CHRM3: variants seen among roughly 807,000 people sequenced by gnomAD.
CHRM3 encodes the protein muscarinic acetylcholine receptor M3.
A neutral mutation model predicts 41.8 loss-of-function variants in CHRM3; 11 were observed. The ratio of observed to expected loss-of-function variants is 0.26; its 90% confidence interval spans 0.17 to 0.44. The LOEUF (loss-of-function observed/expected upper bound fraction) is 0.44, where lower values mean the gene tolerates loss of function less well. CHRM3 is among the 20% of genes least tolerant of loss of function. The probability of loss-of-function intolerance (pLI) is 1.00; values close to 1 mark genes in which losing one functional copy is unlikely to be tolerated. For missense variants in CHRM3, 571 were observed against 745.4 expected (o/e 0.77, Z 2.72); for synonymous variants, 297 against 301.4 (o/e 0.99, Z 0.15).
At chr1:239,421,806 C>T (rs1447354460) in intron 1 of CHRM3, among the ~76,000 whole-genome samples, 1 of 152,108 alleles carries the variant, frequency 6.6e-6, no homozygotes, top group Non-Finnish European at 1.5e-5. Flanking sequence ...GTTTTACAGT[C>T]TTTACTCCTC....
chr1:239,404,287 T>G (rs1328408432), intron 1 of CHRM3, among the ~76,000 whole-genome samples: 3 of 130,276 alleles, frequency 2.3e-5, no homozygotes, highest in Non-Finnish European at 3.1e-5. Flanking sequence ...AGACTCTGTC[T>G]CAAAAAAAAA....
intron 6 of CHRM3, among the ~76,000 whole-genome samples, chr1:239,902,016 G>T (rs1679617321): frequency 6.6e-6 from 1 of 151,950 alleles, no homozygotes; most frequent in Non-Finnish European, 1.5e-5. Flanking sequence ...TAGTGTGTAG[G>T]TCAGTATACC....
At chr1:239,392,236 C>T (rs541028468) in intron 1 of CHRM3, among the ~76,000 whole-genome samples, 23 of 152,236 alleles carry the variant, frequency 1.5e-4, no homozygotes, top group South Asian at 1.2e-3. Context: ...GCATCATTTC[C>T]GCCTGAGACT....
chr1:239,453,659 T>A (rs982037061), intron 1 of CHRM3, among the ~76,000 whole-genome samples: 3 of 152,224 alleles, frequency 2.0e-5, no homozygotes, highest in African/African-American at 7.2e-5. Context: ...TGCATTCTAC[T>A]AGGCATTAAT....
At chr1:239,433,965 CT>C (rs1208157071) in intron 1 of CHRM3, among the ~76,000 whole-genome samples, 1 of 152,146 alleles carries the variant, frequency 6.6e-6, no homozygotes, top group African/African-American at 2.4e-5. Flanking sequence ...ATATTTTCCT[CT>C]GGGTAGATAC....
At chr1:239,584,144 G>A (rs1663177573) in intron 3 of CHRM3, among the ~76,000 whole-genome samples, 1 of 139,184 alleles carries the variant, frequency 7.2e-6, no homozygotes, top group South Asian at 2.3e-4. Context: ...AGTCTTCTGA[G>A]ACAGGCTAGA....
intron 5 of CHRM3, among the ~76,000 whole-genome samples, chr1:239,698,507 A>C (rs1486702500): frequency 1.3e-5 from 2 of 152,204 alleles, no homozygotes; most frequent in Admixed American, 1.3e-4. Flanking sequence ...AGTGAAAGTG[A>C]ATCAATTACA....
intron 6 of CHRM3, among the ~76,000 whole-genome samples, chr1:239,865,330 G>A (rs1676001721): frequency 6.6e-6 from 1 of 152,232 alleles, no homozygotes; most frequent in Admixed American, 6.5e-5. Flanking sequence ...TAAGACATTG[G>A]TTGTCTGTGG....
At chr1:239,606,327 G>C (rs4659922) in intron 3 of CHRM3, 119,821 of 151,544 alleles carry the variant, frequency 0.79, 50,086 homozygotes, top group East Asian at 0.98. Context: ...CCAGGCTGGA[G>C]TGCAGTGGCG....
At chr1:239,438,746 C>T (rs1352997104) in intron 1 of CHRM3, among the ~76,000 whole-genome samples, 1 of 152,102 alleles carries the variant, frequency 6.6e-6, no homozygotes, top group Admixed American at 6.6e-5. Context: ...AACATCGAGG[C>T]TTTCTGATAA....
chr1:239,761,220 C>T (rs771480015), intron 5 of CHRM3, among the ~76,000 whole-genome samples: 3 of 152,062 alleles, frequency 2.0e-5, no homozygotes, highest in Admixed American at 6.5e-5. Context: ...TTTTATCTCT[C>T]GACGTTTGAT....
chr1:239,569,764 G>T (rs1397582266), intron 3 of CHRM3, among the ~76,000 whole-genome samples: 1 of 152,126 alleles, frequency 6.6e-6, no homozygotes, highest in Non-Finnish European at 1.5e-5. Flanking sequence ...TGGCAAAGCT[G>T]GACTGGGTCA....
At chr1:239,533,307 A>G (rs1009999913) in intron 2 of CHRM3, among the ~76,000 whole-genome samples, 3 of 152,178 alleles carry the variant, frequency 2.0e-5, no homozygotes, top group Non-Finnish European at 4.4e-5. Context: ...TATAAAGAAA[A>G]GAGGTTTAAT....
intron 1 of CHRM3, among the ~76,000 whole-genome samples, chr1:239,471,490 G>C (rs77611755): frequency 0.027 from 4,164 of 152,296 alleles, 84 homozygotes; most frequent in Non-Finnish European, 0.042. Context: ...CATACTTGGG[G>C]TTGTCTTATG....
intron 3 of CHRM3, among the ~76,000 whole-genome samples, chr1:239,553,448 A>ACGTCT (rs1292079068): frequency 6.6e-6 from 1 of 152,032 alleles, no homozygotes; most frequent in Non-Finnish European, 1.5e-5. Context: ...CAAGCAGGAG[A>ACGTCT]CTTTCAGGAG....
intron 5 of CHRM3, among the ~76,000 whole-genome samples, chr1:239,803,526 G>A (rs971907379): frequency 5.3e-5 from 8 of 152,114 alleles, no homozygotes; most frequent in Non-Finnish European, 8.8e-5. Context: ...TTAGGCAAGA[G>A]TCCTAGGGAA....
At chr1:239,569,859 G>T (rs1350469165) in intron 3 of CHRM3, among the ~76,000 whole-genome samples, 1 of 152,118 alleles carries the variant, frequency 6.6e-6, no homozygotes, top group Non-Finnish European at 1.5e-5. Flanking sequence ...AGGCACAAAA[G>T]ATTTGAATTT....
intron 2 of CHRM3, among the ~76,000 whole-genome samples, chr1:239,532,385 C>T (rs1184368578): frequency 2.0e-5 from 3 of 148,974 alleles, no homozygotes; most frequent in Non-Finnish European, 4.5e-5. Context: ...CCCAGCACTT[C>T]AGGAGGCCGA....
chr1:239,803,629 C>T (rs950321832), intron 5 of CHRM3, among the ~76,000 whole-genome samples: 1 of 152,132 alleles, frequency 6.6e-6, no homozygotes, highest in Non-Finnish European at 1.5e-5. Flanking sequence ...AAGATCTGAT[C>T]ATGTCAAGTT....
Sources: gnomAD v4.1 joint callset for allele counts (sites outside exome capture counted in the v4.1 genomes callset) on GRCh38, gnomAD v4.1.1 for gene constraint, MANE v1.5 for transcripts, NCBI Gene and HGNC (gene_info 2026-07-23, HGNC 2026-07-21) for gene names.